The following HS3ST2 variants were observed in gnomAD, a reference collection of about 807,000 sequenced individuals.
The protein encoded by HS3ST2 is heparan sulfate glucosamine 3-O-sulfotransferase 2.
In HS3ST2, 17 loss-of-function variants were observed where a neutral mutation model predicts 26.3. The observed-to-expected ratio is 0.65, with a 90% CI of 0.44 to 0.97. HS3ST2 has a LOEUF of 0.97. Among genes scored for constraint, HS3ST2 ranks in the 50% least tolerant of loss-of-function variants. HS3ST2 has a pLI of 0.00. For missense variants in HS3ST2, 402 were observed against 501.2 expected, an observed-to-expected ratio of 0.80 and a Z score of 1.89; for synonymous variants, 237 against 219.2, an observed-to-expected ratio of 1.08 and a Z score of -0.72.
chr16:22,913,211 T>G (rs1902448549), intron 1 of HS3ST2, among the ~76,000 whole-genome samples: 1 of 147,140 alleles, frequency 6.8e-6, no homozygotes, highest in Non-Finnish European at 1.5e-5. Context: ...ACTTCTCGGG[T>G]AGTTCTAACG....
chr16:22,911,605 G>T (rs1902425647), intron 1 of HS3ST2, among the ~76,000 whole-genome samples: 2 of 152,288 alleles, frequency 1.3e-5, no homozygotes, highest in Middle Eastern at 3.4e-3. Flanking sequence ...GCTTCCGGTG[G>T]CTGCTGGTGG....
At chr16:22,847,366 T>TA (rs1901450013) in intron 1 of HS3ST2, among the ~76,000 whole-genome samples, 1 of 152,210 alleles carries the variant, frequency 6.6e-6, no homozygotes, top group Admixed American at 6.5e-5. Context: ...CCACACCTTC[T>TA]TTACACAGAT....
chr16:22,894,791 C>T (rs1354539141), intron 1 of HS3ST2, among the ~76,000 whole-genome samples: 1 of 151,106 alleles, frequency 6.6e-6, no homozygotes, highest in East Asian at 1.9e-4. Flanking sequence ...CGTGCCACTG[C>T]ACTCCAGCCT....
intron 1 of HS3ST2, among the ~76,000 whole-genome samples, chr16:22,840,370 C>A: frequency 6.6e-6 from 1 of 151,974 alleles, no homozygotes; most frequent in East Asian, 1.9e-4. Context: ...AGCAGGAGTT[C>A]ACAAAATAGG....
chr16:22,822,732 G>A (rs1398837361), intron 1 of HS3ST2, among the ~76,000 whole-genome samples: 1 of 152,082 alleles, frequency 6.6e-6, no homozygotes, highest in Non-Finnish European at 1.5e-5. Context: ...GCGTGCGCCT[G>A]TAGTCCCAGC....
At chr16:22,888,621 G>A (rs1479962018) in intron 1 of HS3ST2, among the ~76,000 whole-genome samples, 7 of 152,054 alleles carry the variant, frequency 4.6e-5, no homozygotes, top group Non-Finnish European at 7.4e-5. Flanking sequence ...TCCTGACCTT[G>A]TGATCCGCCC....
chr16:22,878,421 G>A (rs1374591976), intron 1 of HS3ST2, among the ~76,000 whole-genome samples: 1 of 152,208 alleles, frequency 6.6e-6, no homozygotes, highest in Non-Finnish European at 1.5e-5. Flanking sequence ...TAAGAAGGGA[G>A]ATTAGTACAT....
At chr16:22,869,252 C>A (rs2141192534) in intron 1 of HS3ST2, among the ~76,000 whole-genome samples, 1 of 152,218 alleles carries the variant, frequency 6.6e-6, no homozygotes, top group South Asian at 2.1e-4. Context: ...TTCCAACACC[C>A]ATGGGAGGCA....
rs1900817398 is a variant in HS3ST2 at position 22,814,350 on chromosome 16, G to A, written c.-261G>A. On this transcript the variant is annotated 5_prime_UTR_variant, in exon 1 of 2. Transcript: ENST00000261374. Reference sequence around the variant, plus strand: ...GAGCCTGGGAGCGCCCGAGCCGCCCGGCTGCCCGGAGCCCCATCGCCTAGG... The same window carrying A: ...GAGCCTGGGAGCGCCCGAGCCGCCCAGCTGCCCGGAGCCCCATCGCCTAGG... 7.7e-6 allele frequency: 3 copies of A among 391,118 alleles called. No individual in the cohort carries two copies. The South Asian group carries it at 2.6e-4, about 34-fold the overall frequency. 24.2% of individuals were successfully genotyped at this position (391,118 alleles called of 1,614,324 possible). A position where few individuals can be genotyped will look rare whatever the true frequency, so the allele number is the denominator to read the frequency against.
chr16:22,839,822 C>G (rs759886670), intron 1 of HS3ST2, among the ~76,000 whole-genome samples: 8 of 152,088 alleles, frequency 5.3e-5, no homozygotes, highest in Non-Finnish European at 1.2e-4. Context: ...TACATATATG[C>G]AACATTTTGC....
intron 1 of HS3ST2, among the ~76,000 whole-genome samples, chr16:22,869,350 T>A (rs1481098816): frequency 6.6e-6 from 1 of 152,222 alleles, no homozygotes; most frequent in Non-Finnish European, 1.5e-5. Flanking sequence ...TCTCTAATCT[T>A]GAACAGGTTA....
At chr16:22,855,641 G>A (rs1374268635) in intron 1 of HS3ST2, among the ~76,000 whole-genome samples, 1 of 151,724 alleles carries the variant, frequency 6.6e-6, no homozygotes, top group African/African-American at 2.4e-5. Context: ...CTGGCTTCTG[G>A]GGTATCAGGA....
At position 22,845,094 on chromosome 16, in the gene HS3ST2, T is replaced by C. The variant is rs1235542725; in HGVS notation, c.485+29999T>C. Among the ~76,000 whole-genome samples the C allele has an allele frequency of 3.4e-5, 5 of 148,110 alleles. 2 individuals carry two copies. The highest frequency in any genetic ancestry group is 1.3e-4 in the African/African-American group (5 of 37,652). ...TGGTCTGGATCTCCTGACCTTGTGA[T>C]CCGCCTGCCTCGGCCTCCCAAAGTG... On this transcript the variant is annotated intron_variant, in intron 1 of 1. Coordinates refer to ENST00000261374, the MANE Select transcript of HS3ST2 (RefSeq NM_006043.2).
chr16:22,816,173 C>T (rs1418256730), intron 1 of HS3ST2, among the ~76,000 whole-genome samples: 1 of 152,186 alleles, frequency 6.6e-6, no homozygotes, highest in Non-Finnish European at 1.5e-5. Flanking sequence ...TCCCTGTTAA[C>T]ACATAGGTCA....
At chr16:22,859,091 A>G (rs1901641787) in intron 1 of HS3ST2, among the ~76,000 whole-genome samples, 1 of 152,180 alleles carries the variant, frequency 6.6e-6, no homozygotes, top group African/African-American at 2.4e-5. Flanking sequence ...CCTTAAGCCC[A>G]GGATTTAGAG....
chr16:22,828,127 A>G (rs1165974233), intron 1 of HS3ST2, among the ~76,000 whole-genome samples: 1 of 152,186 alleles, frequency 6.6e-6, no homozygotes, highest in African/African-American at 2.4e-5. Flanking sequence ...TCTATCATAG[A>G]CGTCCCTAAA....
chr16:22,820,444 A>T (rs1012398399), intron 1 of HS3ST2, among the ~76,000 whole-genome samples: 6 of 152,236 alleles, frequency 3.9e-5, no homozygotes, highest in African/African-American at 1.4e-4. Flanking sequence ...TGGGTAATTT[A>T]AAAAGAAAAA....
chr16:22,915,606 C>G lies in HS3ST2; in HGVS notation c.*44C>G, dbSNP rs1567503739. ...CTCTCAAGGGCTCTTCTGCTCATCT[C>G]TTCCGTGAGATTTGCTCCCAGACCC... is the stretch of plus-strand genomic sequence containing the variant. On this transcript the variant is annotated 3_prime_UTR_variant, in exon 2 of 2. Transcript: ENST00000261374. The G allele has an allele frequency of 6.4e-7, 1 of 1,569,378 alleles. No individual in the cohort carries two copies. Among genetic ancestry groups the G allele is most frequent in the Non-Finnish European group, 8.6e-7 (1 of 1,159,278 alleles).
At chr16:22,841,104 C>G (rs769299737) in intron 1 of HS3ST2, among the ~76,000 whole-genome samples, 1 of 151,926 alleles carries the variant, frequency 6.6e-6, no homozygotes, top group Non-Finnish European at 1.5e-5. Flanking sequence ...CATTGTCACC[C>G]GGGCTGGAGT....
Sources: gnomAD v4.1 joint callset for allele counts (sites outside exome capture counted in the v4.1 genomes callset) on GRCh38, gnomAD v4.1.1 for gene constraint, MANE v1.5 for transcripts, NCBI Gene and HGNC (gene_info 2026-07-23, HGNC 2026-07-21) for gene names.